ST6GAL2: variants seen among roughly 807,000 people sequenced by gnomAD.
ST6GAL2 encodes ST6 beta-galactoside alpha-2,6-sialyltransferase 2.
In ST6GAL2, 24 loss-of-function variants were observed where a neutral mutation model predicts 37.5. The observed-to-expected ratio is 0.64, with a 90% CI of 0.46 to 0.90. The LOEUF (loss-of-function observed/expected upper bound fraction) is 0.90. Among genes scored for constraint, ST6GAL2 ranks in the 40% least tolerant of loss-of-function variants. The pLI, the probability that ST6GAL2 is intolerant of heterozygous loss-of-function variation, is 0.00. For missense variants in ST6GAL2, 715 were observed against 712.7 expected, an observed-to-expected ratio of 1.00 and a Z score of -0.04; for synonymous variants, 306 against 295.1, an observed-to-expected ratio of 1.04 and a Z score of -0.38.
chr2:106,820,696 C>A (rs561034404), intron 5 of ST6GAL2, among the ~76,000 whole-genome samples: 54 of 151,980 alleles, frequency 3.6e-4, no homozygotes, highest in Non-Finnish European at 7.2e-4. Context: ...TCCTCAGCAC[C>A]TGGGTAATTC....
At chr2:106,813,233 G>A in intron 5 of ST6GAL2, 1 of 1,332,434 alleles carries the variant, frequency 7.5e-7, no homozygotes, top group Non-Finnish European at 9.6e-7. Context: ...GCCTATATGA[G>A]GGATTCATTT....
intron 1 of ST6GAL2, among the ~76,000 whole-genome samples, chr2:106,881,208 T>C (rs1365920141): frequency 6.6e-6 from 1 of 152,148 alleles, no homozygotes; most frequent in Non-Finnish European, 1.5e-5. Flanking sequence ...CAGGCTAGTC[T>C]TAAACTCCTG....
chr2:106,868,852 A>G (rs1573309151), intron 1 of ST6GAL2, among the ~76,000 whole-genome samples: 2 of 152,322 alleles, frequency 1.3e-5, no homozygotes, highest in East Asian at 3.9e-4. Flanking sequence ...ACGGAGTGCA[A>G]TACAAAAAAG....
chr2:106,817,480 C>A (rs950493371), intron 5 of ST6GAL2, among the ~76,000 whole-genome samples: 1 of 152,226 alleles, frequency 6.6e-6, no homozygotes, highest in African/African-American at 2.4e-5. Flanking sequence ...CAGAAGGGAA[C>A]CTGCTTCATG....
rs142329682 is a variant in ST6GAL2, at chr2:106,866,982, AC to A, written c.-58+19110del. On this transcript the variant is annotated intron_variant, in intron 1 of 5. Coordinates refer to ENST00000409382, the MANE Select transcript of ST6GAL2 (RefSeq NM_001142351.2). The stretch of plus-strand genomic sequence containing the variant: ...CACGAGTTAACAATAACAGAAAAAA[AC>A]ATACCAATAATTACATTTTTAATTT... Among the ~76,000 whole-genome samples the A allele has an allele frequency of 4.5e-3, 687 of 152,336 alleles. 6 individuals carry two copies. Among genetic ancestry groups the A allele is most frequent in the African/African-American group, 0.016 (654 of 41,566 alleles).
intron 5 of ST6GAL2, among the ~76,000 whole-genome samples, chr2:106,810,950 T>G (rs1257336826): frequency 6.6e-6 from 1 of 152,126 alleles, no homozygotes; most frequent in African/African-American, 2.4e-5. Context: ...AGTGGCATCC[T>G]GTCAAAATAA....
intron 4 of ST6GAL2, among the ~76,000 whole-genome samples, chr2:106,830,584 G>A (rs140863416): frequency 6.6e-5 from 10 of 152,306 alleles, no homozygotes; most frequent in Middle Eastern, 3.4e-3. Context: ...CGGTACCATC[G>A]TAGCACGGAA....
chr2:106,822,281 A>G (rs1422253913), intron 5 of ST6GAL2, among the ~76,000 whole-genome samples: 1 of 152,172 alleles, frequency 6.6e-6, no homozygotes, highest in Non-Finnish European at 1.5e-5. Context: ...CCAAAAAACT[A>G]TTAGAACTGA....
chr2:106,852,413 C>T (rs1005987755), intron 1 of ST6GAL2, among the ~76,000 whole-genome samples: 6 of 152,152 alleles, frequency 3.9e-5, no homozygotes, highest in African/African-American at 1.4e-4. Context: ...TTGGTTGAGG[C>T]ATAAGTTTAA....
chr2:106,856,909 A>T (rs1040754282), intron 1 of ST6GAL2, among the ~76,000 whole-genome samples: 3 of 152,248 alleles, frequency 2.0e-5, no homozygotes, highest in African/African-American at 4.8e-5. Context: ...TAGATTTAAT[A>T]ATATGCCACA....
Position 106,804,864 on chromosome 2 carries a change from AG to A in ST6GAL2, c.*1813del. 1 of 151,776 alleles carries A rather than the reference AG, an allele frequency of 6.6e-6. No homozygotes were observed. The highest frequency in any genetic ancestry group is 1.5e-5 in the Non-Finnish European group (1 of 67,988). The allele number at this position is 151,776 out of a possible 1,614,324, so 9.4% of individuals were successfully genotyped here. ...CTCAAAAAAAAAAAAAAAAAAGAAAAGAAAAGAAATTAGAAAGGAACATGGC... is the reference window on the plus strand; with the variant it reads ...CTCAAAAAAAAAAAAAAAAAAGAAAAAAAAGAAATTAGAAAGGAACATGGC... On this transcript the variant is annotated 3_prime_UTR_variant, in exon 6 of 6. Coordinates refer to ENST00000409382, the MANE Select transcript of ST6GAL2 (RefSeq NM_001142351.2).
At chr2:106,813,059 G>A (rs1167722444) in intron 5 of ST6GAL2, 3 of 1,230,830 alleles carry the variant, frequency 2.4e-6, no homozygotes, top group Admixed American at 8.5e-5. Context: ...ATGGGTATGG[G>A]GCCAGCTGTT....
rs549346119 is a variant in ST6GAL2, at chr2:106,821,218, T to C, written c.1318+8848A>G. Among the ~76,000 whole-genome samples the C allele has an allele frequency of 2.6e-5, 4 of 151,178 alleles. No homozygotes were observed. In the East Asian group the frequency reaches 7.8e-4, roughly 29 times the overall value. ...ACATAAAGTTGGCTTTTTGAAAAGA[T>C]AAACAAAATTGAAAAATATTTAGCC... On this transcript the variant is annotated intron_variant, in intron 5 of 5. Coordinates refer to ENST00000409382, the MANE Select transcript of ST6GAL2 (RefSeq NM_001142351.2).
rs765832743 is a variant in ST6GAL2 at position 106,843,888 on chromosome 2, G to A, written c.90C>T (p.Phe30=). The change falls in exon 2 of 6, where the codon TTC becomes TTT. Residue 30 remains phenylalanine, a synonymous_variant. Coordinates refer to ENST00000409382, the MANE Select transcript of ST6GAL2 (RefSeq NM_001142351.2). ...GLLFLLIFIY[F]TDSNPAEPVP... is the part of the protein sequence containing the mutation. ...CAGGCTCAGCGGGGTTGCTGTCGGT[G>A]AAGTAGATGAAAATCAGCAAAAAGA... 6.2e-7 allele frequency: 1 copy of A among 1,606,408 alleles called. No individual in the cohort carries two copies. The highest frequency in any genetic ancestry group is 1.3e-5 in the African/African-American group (1 of 75,038).
chr2:106,842,632 C>A (rs565257682), intron 2 of ST6GAL2, among the ~76,000 whole-genome samples: 1 of 152,296 alleles, frequency 6.6e-6, no homozygotes, highest in African/African-American at 2.4e-5. Context: ...ATGGGTTCAC[C>A]GGGCTTTCAG....
At chr2:106,810,674 G>A (rs1487305817) in intron 5 of ST6GAL2, among the ~76,000 whole-genome samples, 8 of 148,462 alleles carry the variant, frequency 5.4e-5, no homozygotes, top group East Asian at 1.9e-4. Context: ...GGAGTAGGGC[G>A]TGCAGTGGCT....
chr2:106,804,546 TAGAA>T lies in ST6GAL2; in HGVS notation c.*2128_*2131del, dbSNP rs1006863399. The T allele has an allele frequency of 2.6e-5, 4 of 151,984 alleles. No individual in the cohort carries two copies. Among genetic ancestry groups the T allele is most frequent in the African/African-American group, 7.3e-5 (3 of 41,366 alleles). The allele number at this position is 151,984 out of a possible 1,614,324, so 9.4% of individuals were successfully genotyped here. Reference sequence around the variant, plus strand: ...ACAAGACAAAGTTTTTTCAAGAAATTAGAAAGGAATGACCGGGCGCGGTGGTGGC... The same window carrying T: ...ACAAGACAAAGTTTTTTCAAGAAATTAGGAATGACCGGGCGCGGTGGTGGC... On this transcript the variant is annotated 3_prime_UTR_variant, in exon 6 of 6. Transcript: ENST00000409382.
intron 5 of ST6GAL2, among the ~76,000 whole-genome samples, chr2:106,828,111 CA>C (rs1377525635): frequency 6.6e-6 from 1 of 152,120 alleles, no homozygotes; most frequent in African/African-American, 2.4e-5. Context: ...TTAACAAAAA[CA>C]ACATAGGAAA....
chr2:106,877,020 A>T (rs150803588), intron 1 of ST6GAL2, among the ~76,000 whole-genome samples: 1 of 152,174 alleles, frequency 6.6e-6, no homozygotes, highest in Admixed American at 6.5e-5. Flanking sequence ...GAAAGTAAAG[A>T]TGACATGTTT....
Sources: gnomAD v4.1 joint callset for allele counts (sites outside exome capture counted in the v4.1 genomes callset) on GRCh38, gnomAD v4.1.1 for gene constraint, MANE v1.5 for transcripts, NCBI Gene and HGNC (gene_info 2026-07-23, HGNC 2026-07-21) for gene names.